The following DIP2C variants were observed in gnomAD, a reference collection of about 807,000 sequenced individuals.
DIP2C encodes disco-interacting protein 2 homolog C.
Under a neutral mutation model 192.4 loss-of-function variants are expected in DIP2C, and 33 were observed. The ratio of observed to expected loss-of-function variants is 0.17; its 90% CI spans 0.13 to 0.23. The LOEUF (loss-of-function observed/expected upper bound fraction) is 0.23, where lower values mean the gene tolerates loss of function less well. Ranked by LOEUF, DIP2C falls within the 10% of genes least tolerant of loss-of-function variation. The pLI is 1.00. For synonymous variants in DIP2C, 979 were observed against 864.1 expected (o/e 1.13, Z -2.33); for missense variants, 1,537 against 2,110.1 (o/e 0.73, Z 5.32).
intron 1 of DIP2C, among the ~76,000 whole-genome samples, chr10:521,567 G>A (rs1371536646): frequency 6.6e-6 from 1 of 152,154 alleles, no homozygotes; most frequent in African/African-American, 2.4e-5. Flanking sequence ...GGAGAAGCCG[G>A]TCCAGATATA....
intron 1 of DIP2C, among the ~76,000 whole-genome samples, chr10:541,986 C>A (rs557164159): frequency 6.6e-6 from 1 of 152,334 alleles, no homozygotes; most frequent in African/African-American, 2.4e-5. Context: ...CCAGGACACG[C>A]CCCTGGGGAC....
In DIP2C at chr10:448,462, T is replaced by A. The variant is rs1268264932; in HGVS notation, c.269-7466A>T. Among the ~76,000 whole-genome samples, 7 of 138,348 alleles carry A rather than the reference T, an allele frequency of 5.1e-5. 1 individual carries two copies. Among genetic ancestry groups the A allele is most frequent in the African/African-American group, 1.7e-4 (6 of 35,974 alleles). The allele number at this position is 138,348 out of a possible 152,430, so 90.8% of individuals were successfully genotyped here. On this transcript the variant is annotated intron_variant, in intron 3 of 36. Transcript: ENST00000280886. ...CTCACAGTGGGGCAGCAGGACCCAC[T>A]CATCCCCGTCTATACTCAGGATCAC...
At chr10:418,335 G>A (rs1965940625) in intron 6 of DIP2C, among the ~76,000 whole-genome samples, 1 of 151,596 alleles carries the variant, frequency 6.6e-6, no homozygotes, top group Non-Finnish European at 1.5e-5. Flanking sequence ...GTGCCTGTCG[G>A]GGCTCTGATA....
intron 3 of DIP2C, chr10:441,247 G>A (rs1278547387): frequency 2.3e-6 from 1 of 429,032 alleles, no homozygotes; most frequent in Non-Finnish European, 4.1e-6. Flanking sequence ...AAACTGCACT[G>A]AGATTTGTCT....
chr10:619,104 G>A (rs1014677307), intron 1 of DIP2C, among the ~76,000 whole-genome samples: 4 of 152,202 alleles, frequency 2.6e-5, no homozygotes, highest in Admixed American at 1.3e-4. Context: ...GTTATGTGAG[G>A]AAAGGCACGG....
At chr10:539,364 T>C (rs1413834631) in intron 1 of DIP2C, among the ~76,000 whole-genome samples, 1 of 152,224 alleles carries the variant, frequency 6.6e-6, no homozygotes, top group Non-Finnish European at 1.5e-5. Flanking sequence ...CATTAAACAA[T>C]ATAGTTTAAC....
At chr10:321,228 T>G (rs1449651171) in intron 31 of DIP2C, among the ~76,000 whole-genome samples, 1 of 152,218 alleles carries the variant, frequency 6.6e-6, no homozygotes, top group Non-Finnish European at 1.5e-5. Flanking sequence ...AAGTCAGCAC[T>G]GGAAAAACTG....
chr10:558,382 C>T (rs934661647), intron 1 of DIP2C, among the ~76,000 whole-genome samples: 10 of 152,196 alleles, frequency 6.6e-5, no homozygotes, highest in South Asian at 2.1e-4. Context: ...ATGCATCTCA[C>T]GGATTGAGAT....
At chr10:372,008 G>A (rs1194095360) in intron 17 of DIP2C, among the ~76,000 whole-genome samples, 1 of 151,964 alleles carries the variant, frequency 6.6e-6, no homozygotes, top group East Asian at 1.9e-4. Flanking sequence ...AGGGCCGGAA[G>A]GGAAAAAGTT....
chr10:424,966 C>G (rs1400205605), intron 4 of DIP2C, among the ~76,000 whole-genome samples: 1 of 147,372 alleles, frequency 6.8e-6, no homozygotes, highest in Non-Finnish European at 1.5e-5. Flanking sequence ...TACAGCATGA[C>G]CAGCAGTGAC....
chr10:482,480 G>C (rs188291997), intron 2 of DIP2C, among the ~76,000 whole-genome samples: 83 of 152,308 alleles, frequency 5.4e-4, no homozygotes, highest in African/African-American at 2.0e-3. Context: ...GAGAGGCTGT[G>C]CCGCACAGAC....
intron 1 of DIP2C, chr10:650,781 C>G (rs889925125): frequency 6.0e-6 from 4 of 667,850 alleles, no homozygotes; most frequent in Non-Finnish European, 1.1e-5. Flanking sequence ...CTGTAATTTG[C>G]AACCAGAATC....
intron 18 of DIP2C, among the ~76,000 whole-genome samples, chr10:367,227 C>G (rs1960358918): frequency 6.6e-6 from 1 of 152,138 alleles, no homozygotes; most frequent in Non-Finnish European, 1.5e-5. Flanking sequence ...ACCATCCTGG[C>G]TAACATGGTG....
chr10:673,863 T>G (rs4880737), intron 1 of DIP2C, among the ~76,000 whole-genome samples: 129,670 of 152,180 alleles, frequency 0.85, 57,349 homozygotes, highest in Non-Finnish European at 0.96. Context: ...AAATGAGGCA[T>G]GAAAGGAAAC....
chr10:484,063 C>T (rs1016536257), intron 2 of DIP2C, among the ~76,000 whole-genome samples: 4 of 152,214 alleles, frequency 2.6e-5, no homozygotes, highest in South Asian at 2.1e-4. Context: ...CCTTCCTCAG[C>T]CTCCCCAAGT....
intron 23 of DIP2C, among the ~76,000 whole-genome samples, 182 bp downstream of exon 23, chr10:357,646 C>T (rs865896437): frequency 2.6e-5 from 4 of 152,280 alleles, no homozygotes; most frequent in South Asian, 2.1e-4. Context: ...CACCAGCGCG[C>T]GACATCGGAG....
At chr10:614,268 G>A (rs1327340568) in intron 1 of DIP2C, among the ~76,000 whole-genome samples, 1 of 152,260 alleles carries the variant, frequency 6.6e-6, no homozygotes. Flanking sequence ...TTTTCCTCCA[G>A]TGTATGGTGT....
chr10:545,202 C>G (rs1427980633), intron 1 of DIP2C, among the ~76,000 whole-genome samples: 2 of 101,200 alleles, frequency 2.0e-5, no homozygotes, highest in Non-Finnish European at 3.6e-5. Flanking sequence ...GTTTCACTCT[C>G]TCTGTCCAGG....
intron 1 of DIP2C, among the ~76,000 whole-genome samples, chr10:544,515 T>C (rs1163335220): frequency 6.6e-6 from 1 of 152,218 alleles, no homozygotes; most frequent in African/African-American, 2.4e-5. Context: ...CTGCCAGACT[T>C]TTCCAAAGCA....
Sources: allele counts gnomAD v4.1 joint callset (sites outside exome capture counted in the v4.1 genomes callset), GRCh38; gene constraint gnomAD v4.1.1; transcripts MANE v1.5; gene names NCBI Gene and HGNC (gene_info 2026-07-23, HGNC 2026-07-21).